PTPRD: variants seen among roughly 807,000 people sequenced by gnomAD.
PTPRD encodes protein tyrosine phosphatase receptor type D.
PTPRD carries 34 observed loss-of-function variants against 214.5 expected under a neutral mutation model. That is an observed-to-expected ratio of 0.16 (90% CI 0.12 to 0.21). PTPRD has a LOEUF of 0.21. Among genes scored for constraint, PTPRD ranks in the 10% least tolerant of loss-of-function variants. The pLI, the probability that PTPRD is intolerant of heterozygous loss-of-function variation, is 1.00. For synonymous variants in PTPRD, 1,128 were observed against 845.7 expected (o/e 1.33, Z -5.79); for missense variants, 2,545 against 2,398.7 (o/e 1.06, Z -1.27).
At chr9:9,498,840 G>C (rs1326516047) in intron 8 of PTPRD, among the ~76,000 whole-genome samples, 1 of 152,048 alleles carries the variant, frequency 6.6e-6, no homozygotes, top group Non-Finnish European at 1.5e-5. Context: ...GAACATATCT[G>C]TGTTCTTAAT....
chr9:8,559,070 T>C (rs1383354182), intron 14 of PTPRD, among the ~76,000 whole-genome samples: 1 of 152,216 alleles, frequency 6.6e-6, no homozygotes, highest in Admixed American at 6.5e-5. Flanking sequence ...ATCTCTTTTA[T>C]GCCAAATTGT....
intron 9 of PTPRD, among the ~76,000 whole-genome samples, chr9:9,263,291 A>G (rs779151672): frequency 2.9e-4 from 44 of 151,602 alleles, no homozygotes; most frequent in Non-Finnish European, 5.5e-4. Context: ...TGTTTTTTGA[A>G]TACATCTCCT....
At chr9:10,405,258 A>G (rs1275207368) in intron 2 of PTPRD, among the ~76,000 whole-genome samples, 1 of 151,724 alleles carries the variant, frequency 6.6e-6, no homozygotes, top group Non-Finnish European at 1.5e-5. Context: ...AAAGCCTTCG[A>G]AAGCTACCAT....
intron 12 of PTPRD, among the ~76,000 whole-genome samples, chr9:8,678,880 G>GTGAT (rs1248997584): frequency 6.6e-6 from 1 of 152,188 alleles, no homozygotes; most frequent in African/African-American, 2.4e-5. Flanking sequence ...AGTAGAAAGG[G>GTGAT]TGATTTAAAC....
chr9:10,189,715 C>T (rs1241413432), intron 3 of PTPRD, among the ~76,000 whole-genome samples: 2 of 151,944 alleles, frequency 1.3e-5, no homozygotes, highest in African/African-American at 4.8e-5. Context: ...TTTAAAAGGG[C>T]AATTACAAGG....
intron 6 of PTPRD, among the ~76,000 whole-genome samples, chr9:9,747,659 G>A (rs909037008): frequency 6.6e-6 from 1 of 150,516 alleles, no homozygotes; most frequent in African/African-American, 2.4e-5. Flanking sequence ...CAATTCTCCT[G>A]CCTCAGCCTC....
intron 8 of PTPRD, among the ~76,000 whole-genome samples, chr9:9,427,334 G>T (rs2142992827): frequency 6.6e-6 from 1 of 152,258 alleles, no homozygotes; most frequent in African/African-American, 2.4e-5. Flanking sequence ...TCAAATGAAT[G>T]AAATGAAGCG....
chr9:10,201,555 T>G (rs1227374667), intron 3 of PTPRD, among the ~76,000 whole-genome samples: 1 of 151,978 alleles, frequency 6.6e-6, no homozygotes, highest in Admixed American at 6.6e-5. Context: ...CTGAATAATA[T>G]TCCATTAAAT....
intron 11 of PTPRD, among the ~76,000 whole-genome samples, chr9:8,838,236 C>T (rs977480683): frequency 6.7e-6 from 1 of 149,954 alleles, no homozygotes; most frequent in African/African-American, 2.5e-5. Flanking sequence ...AAACACATAA[C>T]GACTTCAAAT....
intron 3 of PTPRD, among the ~76,000 whole-genome samples, chr9:10,085,479 G>T (rs1304650241): frequency 6.6e-6 from 1 of 151,970 alleles, no homozygotes. Context: ...CCTTGTTTCT[G>T]TTGGTCATTT....
chr9:9,619,794 TATAG>T (rs1331628302), intron 7 of PTPRD, among the ~76,000 whole-genome samples: 5 of 146,932 alleles, frequency 3.4e-5, no homozygotes, highest in African/African-American at 9.9e-5. Flanking sequence ...TATCTATCTA[TATAG>T]AAATACATTT....
chr9:9,858,145 T>A (rs901153080), intron 5 of PTPRD, among the ~76,000 whole-genome samples: 1 of 152,190 alleles, frequency 6.6e-6, no homozygotes, highest in Non-Finnish European at 1.5e-5. Context: ...AGGCCCTGAA[T>A]TATAAAAATA....
At chr9:10,176,939 T>C (rs12344053) in intron 3 of PTPRD, among the ~76,000 whole-genome samples, 6,387 of 152,070 alleles carry the variant, frequency 0.042, 138 homozygotes, top group South Asian at 0.065. Context: ...AAGCACAGCA[T>C]ATTTATTGCA....
chr9:9,286,450 C>A lies in PTPRD; in HGVS notation c.-202-103087G>T, dbSNP rs997607661. Reference sequence around the variant, plus strand: ...ATTTTTGTTTCTTCTCACTCTACAACCCTAATCTCCAATCATTTTGTAATT... The same window carrying A: ...ATTTTTGTTTCTTCTCACTCTACAAACCTAATCTCCAATCATTTTGTAATT... On this transcript the variant is annotated intron_variant, in intron 9 of 45. Transcript: ENST00000381196. Among the ~76,000 whole-genome samples the A allele has an allele frequency of 3.3e-5, 5 of 151,786 alleles. 1 individual carries two copies. The highest frequency in any genetic ancestry group is 4.1e-4 in the South Asian group (2 of 4,826).
intron 5 of PTPRD, among the ~76,000 whole-genome samples, chr9:9,928,753 T>TACACACACACACACACACACACA (rs1259839394): frequency 2.9e-5 from 3 of 101,738 alleles, no homozygotes; most frequent in African/African-American, 2.5e-4. Flanking sequence ...CATCTCTCTC[T>TACACACACACACACACACACACA]CTATACACAC....
intron 9 of PTPRD, among the ~76,000 whole-genome samples, chr9:9,246,750 C>T (rs189361484): frequency 9.2e-5 from 14 of 152,000 alleles, no homozygotes; most frequent in African/African-American, 3.4e-4. Context: ...ATTCTTGGAG[C>T]TGAGAGATTG....
intron 3 of PTPRD, among the ~76,000 whole-genome samples, chr9:10,107,036 G>C (rs919613301): frequency 2.6e-5 from 4 of 151,908 alleles, no homozygotes; most frequent in Non-Finnish European, 4.4e-5. Flanking sequence ...GACACTATGG[G>C]CTTGAGCCTG....
chr9:10,152,607 CCT>C (rs2099068218), intron 3 of PTPRD, among the ~76,000 whole-genome samples: 1 of 152,134 alleles, frequency 6.6e-6, no homozygotes, highest in African/African-American at 2.4e-5. Context: ...GGGCGGATCA[CCT>C]GAGGTCAGGA....
chr9:8,855,143 TTA>T (rs904130944), intron 11 of PTPRD, among the ~76,000 whole-genome samples: 24 of 144,386 alleles, frequency 1.7e-4, no homozygotes, highest in African/African-American at 5.7e-4. Flanking sequence ...TTTTTTTTTT[TTA>T]ATGTCTCTCT....
Sources: gnomAD v4.1 joint callset for allele counts (sites outside exome capture counted in the v4.1 genomes callset) on GRCh38, gnomAD v4.1.1 for gene constraint, MANE v1.5 for transcripts, NCBI Gene and HGNC (gene_info 2026-07-23, HGNC 2026-07-21) for gene names.